NFATC1: variants seen among roughly 807,000 people sequenced by gnomAD.
NFATC1 encodes nuclear factor of activated T cells 1, also known as nuclear factor of activated T-cells, cytoplasmic 1.
A neutral mutation model predicts 76.0 loss-of-function variants in NFATC1; 22 were observed. The ratio of observed to expected loss-of-function variants is 0.29; its 90% confidence interval spans 0.21 to 0.41. NFATC1 has a LOEUF of 0.41. NFATC1 is among the 10% of genes least tolerant of loss of function. The probability of loss-of-function intolerance (pLI) is 1.00; values close to 1 mark genes in which losing one functional copy is unlikely to be tolerated. For missense variants in NFATC1, 1,357 were observed against 1,337.7 expected, an observed-to-expected ratio of 1.01 and a Z score of -0.23; for synonymous variants, 704 against 613.1, an observed-to-expected ratio of 1.15 and a Z score of -2.19.
chr18:79,431,237 C>T (rs2086577993), intron 2 of NFATC1, among the ~76,000 whole-genome samples: 1 of 152,196 alleles, frequency 6.6e-6, no homozygotes, highest in Admixed American at 6.5e-5. Context: ...AATATGTAGT[C>T]TTGTTCTTGC....
chr18:79,474,182 C>T lies in NFATC1; in HGVS notation c.2092+6600C>T, dbSNP rs541041231. 3.7e-4 allele frequency among the ~76,000 whole-genome samples: 37 copies of T among 99,540 alleles called. No homozygotes were observed. The South Asian group carries it at 5.8e-3, about 16-fold the overall frequency. 65.3% of individuals were successfully genotyped at this position (99,540 alleles called of 152,430 possible). A position where few individuals can be genotyped will look rare whatever the true frequency, so the allele number is the denominator to read the frequency against. ...AGCGTGTTCTCACGCTCGCTGTCGA[C>T]GTAAACCTGAGGGAAGCGTGTTCTC... On this transcript the variant is annotated intron_variant, in intron 8 of 9. Transcript: ENST00000427363.
rs3786195 is a variant in NFATC1 at position 79,447,420 on chromosome 18, C to T, written c.1387-1362C>T. ...AGGCCTGGACTCTGCACGTGGTCATCGTGCTGCAGTTGCCGTCTGTGGTCA... is the reference window on the plus strand; with the variant it reads ...AGGCCTGGACTCTGCACGTGGTCATTGTGCTGCAGTTGCCGTCTGTGGTCA... On this transcript the variant is annotated intron_variant, in intron 3 of 9. Transcript: ENST00000427363. Among the ~76,000 whole-genome samples the T allele has an allele frequency of 1.0e-3, 158 of 151,494 alleles. 4 individuals carry two copies. In the East Asian group the frequency reaches 0.026, roughly 25 times the overall value.
intron 8 of NFATC1, chr18:79,469,565 C>T: frequency 1.0e-6 from 1 of 985,964 alleles, no homozygotes; most frequent in Non-Finnish European, 1.2e-6. Context: ...TCGATTGGCC[C>T]CGGCTCCCCT....
Position 79,529,197 on chromosome 18 carries a change from C to T in NFATC1, c.*1620C>T, listed in dbSNP as rs986753202. On this transcript the variant is annotated 3_prime_UTR_variant, in exon 10 of 10. Transcript: ENST00000427363. ...CACCTGCGGCTGGGTACCCTGCACC[C>T]GGCACTGTAGGAGTCACGTGCAGCC... is the stretch of plus-strand genomic sequence containing the variant. 2 of 152,266 alleles carry T rather than the reference C, an allele frequency of 1.3e-5. No homozygotes were observed. The highest frequency in any genetic ancestry group is 2.1e-4 in the South Asian group (1 of 4,838). The allele number at this position is 152,266 out of a possible 1,614,324, so 9.4% of individuals were successfully genotyped here.
intron 2 of NFATC1, among the ~76,000 whole-genome samples, chr18:79,430,044 G>A (rs1328977902): frequency 1.3e-5 from 2 of 152,206 alleles, no homozygotes; most frequent in East Asian, 3.9e-4. Context: ...CGTGGGCCAC[G>A]CCACGTGGCT....
intron 9 of NFATC1, among the ~76,000 whole-genome samples, chr18:79,508,360 A>G (rs1255637610): frequency 6.6e-6 from 1 of 152,188 alleles, no homozygotes; most frequent in African/African-American, 2.4e-5. Flanking sequence ...CCTGACCAGC[A>G]GCCACAGGGC....
At chr18:79,400,401 C>T (rs1600573971) in intron 1 of NFATC1, 2 of 1,491,352 alleles carry the variant, frequency 1.3e-6, no homozygotes, top group East Asian at 5.9e-5. Flanking sequence ...CATGACGGGG[C>T]TGGAGGACCA....
intron 9 of NFATC1, chr18:79,493,681 G>A (rs953884571): frequency 6.6e-6 from 1 of 152,180 alleles, no homozygotes; most frequent in Non-Finnish European, 1.5e-5. Context: ...ACCTGGCCCG[G>A]CGCCCAGGTC....
At chr18:79,447,183 G>A (rs1236426410) in intron 3 of NFATC1, among the ~76,000 whole-genome samples, 1 of 152,232 alleles carries the variant, frequency 6.6e-6, no homozygotes, top group Non-Finnish European at 1.5e-5. Context: ...GGCTAAGCTG[G>A]AGCCACGGAG....
intron 6 of NFATC1, among the ~76,000 whole-genome samples, chr18:79,460,727 C>A (rs1215639770): frequency 6.6e-6 from 1 of 152,182 alleles, no homozygotes; most frequent in Non-Finnish European, 1.5e-5. Context: ...AGGCCCTCAT[C>A]CACCAGAGTA....
chr18:79,458,468 G>T (rs1340416816), intron 6 of NFATC1, among the ~76,000 whole-genome samples: 1 of 152,018 alleles, frequency 6.6e-6, no homozygotes, highest in East Asian at 1.9e-4. Flanking sequence ...CGGCGTGGGG[G>T]TGGCCCGGCT....
rs759719115 is a variant in NFATC1, at chr18:79,410,880, C to G, written c.605C>G (p.Thr202Arg). Residue 202 changes from threonine (T) to arginine (R), a missense_variant, in exon 2 of 10, where the codon ACG (threonine) becomes AGG (arginine). Around this residue, in one of 3 missense-constraint regions of NFATC1, gnomAD observed 691 missense variants for 613.1 expected, o/e 1.13. Coordinates refer to ENST00000427363, the MANE Select transcript of NFATC1 (RefSeq NM_001278669.2). The surrounding 1 kb of genome is among the most constrained non-coding windows in gnomAD (Gnocchi z 6.7). ...TCGTACCCGTACGCGTCCCCCCAGACGTCGCCATGGCAGTCTCCCTGCGTG... is the reference window on the plus strand; with the variant it reads ...TCGTACCCGTACGCGTCCCCCCAGAGGTCGCCATGGCAGTCTCCCTGCGTG... The part of the protein sequence containing the change: ...NYSYPYASPQ[T>R]SPWQSPCVSP... 1 of 1,609,170 alleles carries G rather than the reference C, an allele frequency of 6.2e-7. No individual in the cohort carries two copies. Among genetic ancestry groups the G allele is most frequent in the South Asian group, 1.1e-5 (1 of 90,698 alleles).
intron 9 of NFATC1, among the ~76,000 whole-genome samples, chr18:79,513,940 C>T (rs974072971): frequency 9.2e-5 from 14 of 152,334 alleles, no homozygotes; most frequent in South Asian, 8.3e-4. Context: ...TTCTCGGGGA[C>T]GTGTCCCCAC....
chr18:79,507,476 A>C (rs772578568), intron 9 of NFATC1, among the ~76,000 whole-genome samples: 20 of 152,250 alleles, frequency 1.3e-4, no homozygotes, highest in African/African-American at 4.8e-4. Flanking sequence ...GCCTCTGCCA[A>C]GGGAGCCCCT....
chr18:79,464,703 T>TATATATA (rs2088370090), intron 7 of NFATC1, among the ~76,000 whole-genome samples: 1 of 97,078 alleles, frequency 1.0e-5, no homozygotes, highest in Non-Finnish European at 2.0e-5. Context: ...TATTTATTTA[T>TATATATA]TTATTTATTT....
chr18:79,515,059 T>G (rs946623387), intron 9 of NFATC1, among the ~76,000 whole-genome samples: 2 of 151,356 alleles, frequency 1.3e-5, no homozygotes, highest in Non-Finnish European at 2.9e-5. Flanking sequence ...AAAAATAAAA[T>G]GCAGGCCAGG....
intron 9 of NFATC1, among the ~76,000 whole-genome samples, chr18:79,518,194 A>G (rs1010016258): frequency 1.3e-5 from 2 of 152,254 alleles, no homozygotes; most frequent in African/African-American, 4.8e-5. Flanking sequence ...GCAGGTGACC[A>G]GGTAGAGGCA....
At chr18:79,445,698 T>TA (rs1454905622) in intron 3 of NFATC1, among the ~76,000 whole-genome samples, 1 of 152,246 alleles carries the variant, frequency 6.6e-6, no homozygotes, top group African/African-American at 2.4e-5. Flanking sequence ...CCTAAATGGA[T>TA]AATTTCCCTT....
intron 3 of NFATC1, among the ~76,000 whole-genome samples, chr18:79,445,047 G>A (rs2087148070): frequency 6.6e-6 from 1 of 152,264 alleles, no homozygotes; most frequent in South Asian, 2.1e-4. Context: ...ATGCGGGGGT[G>A]TGTCCTGGTC....
Sources: gnomAD v4.1 joint callset for allele counts (sites outside exome capture counted in the v4.1 genomes callset) on GRCh38, gnomAD v4.1.1 for gene constraint, gnomAD v4.1.1 regional missense constraint, Gnocchi (gnomAD v3.1) non-coding constraint, MANE v1.5 for transcripts, NCBI Gene and HGNC (gene_info 2026-07-23, HGNC 2026-07-21) for gene names.